Variants in ITGA8 observed in about 807,000 individuals in gnomAD.
ITGA8 encodes integrin alpha-8.
Under a neutral mutation model 142.3 loss-of-function variants are expected in ITGA8, and 91 were observed. The ratio of observed to expected loss-of-function variants is 0.64; its 90% confidence interval spans 0.54 to 0.76. ITGA8 has a LOEUF of 0.76. ITGA8 is among the 30% of genes least tolerant of loss of function. The pLI, the probability that ITGA8 is intolerant of heterozygous loss-of-function variation, is 0.00. For missense variants in ITGA8, 1,406 were observed against 1,327.7 expected (o/e 1.06, Z -0.92); for synonymous variants, 505 against 485.2 (o/e 1.04, Z -0.54).
At chr10:15,594,351 C>CT (rs1832978306) in intron 21 of ITGA8, among the ~76,000 whole-genome samples, 1 of 152,000 alleles carries the variant, frequency 6.6e-6, no homozygotes, top group Non-Finnish European at 1.5e-5. Flanking sequence ...TCTCTGTCTC[C>CT]TTTTTTACCA....
rs868746512 is a variant in ITGA8 at position 15,588,232 on chromosome 10, C to T, written c.2292-1568G>A. 3.9e-5 allele frequency among the ~76,000 whole-genome samples: 6 copies of T among 152,258 alleles called. 1 individual carries two copies. Among genetic ancestry groups the T allele is most frequent in the Middle Eastern group, 3.4e-3 (1 of 292 alleles). ...CAAAGCAGGAGGCGGCAGAATTGTT[C>T]CCATGATGCTTTTGAAAAGTCCTGG... On this transcript the variant is annotated intron_variant, in intron 22 of 29. Transcript: ENST00000378076.
At chr10:15,697,543 G>A (rs1323710773) in intron 2 of ITGA8, among the ~76,000 whole-genome samples, 1 of 152,132 alleles carries the variant, frequency 6.6e-6, no homozygotes, top group Non-Finnish European at 1.5e-5. Context: ...TCCTGTAAAG[G>A]ACTAGATAAA....
At chr10:15,517,964 G>A (rs1832994095) in intron 29 of ITGA8, among the ~76,000 whole-genome samples, 1 of 152,144 alleles carries the variant, frequency 6.6e-6, no homozygotes, top group African/African-American at 2.4e-5. Flanking sequence ...GCTTTGGGGT[G>A]GATTATAGAA....
At chr10:15,615,593 A>G (rs1833376386) in intron 14 of ITGA8, among the ~76,000 whole-genome samples, 1 of 152,192 alleles carries the variant, frequency 6.6e-6, no homozygotes, top group Non-Finnish European at 1.5e-5. Flanking sequence ...TGCTCACTAC[A>G]ACCTCGACCT....
At chr10:15,627,969 AC>A (rs35567160) in intron 13 of ITGA8, among the ~76,000 whole-genome samples, 27,183 of 151,818 alleles carry the variant, frequency 0.18, 3,056 homozygotes, top group Admixed American at 0.29. Flanking sequence ...GACGGGAGTG[AC>A]CTCTGGTCCT....
intron 26 of ITGA8, among the ~76,000 whole-genome samples, chr10:15,556,018 C>CTGTTTTTTTTTTTT (rs1564349894): frequency 1.9e-5 from 1 of 53,630 alleles, no homozygotes; most frequent in African/African-American, 8.6e-5. Flanking sequence ...CTCTCTCTCT[C>CTGTTTTTTTTTTTT]TTTTTTTTTT....
chr10:15,594,146 A>AT (rs1832975080), intron 21 of ITGA8, among the ~76,000 whole-genome samples: 2 of 151,960 alleles, frequency 1.3e-5, no homozygotes, highest in Non-Finnish European at 2.9e-5. Context: ...GGCCGGATGA[A>AT]TTTTTTTAAA....
At chr10:15,537,345 T>A (rs892635813) in intron 27 of ITGA8, among the ~76,000 whole-genome samples, 1 of 152,194 alleles carries the variant, frequency 6.6e-6, no homozygotes, top group African/African-American at 2.4e-5. Flanking sequence ...AAGCAGAAAC[T>A]GTGGCAGTGC....
At chr10:15,525,701 A>C (rs1268919272) in intron 28 of ITGA8, among the ~76,000 whole-genome samples, 1 of 149,932 alleles carries the variant, frequency 6.7e-6, no homozygotes, top group Non-Finnish European at 1.5e-5. Flanking sequence ...GTTAATTTTA[A>C]TAACATAGTT....
At chr10:15,675,620 A>G (rs994493355) in intron 6 of ITGA8, among the ~76,000 whole-genome samples, 2 of 152,180 alleles carry the variant, frequency 1.3e-5, no homozygotes, top group Admixed American at 6.5e-5. Flanking sequence ...CCAACTTTCA[A>G]TCTATTTTCT....
intron 2 of ITGA8, among the ~76,000 whole-genome samples, chr10:15,703,604 G>C (rs1835204325): frequency 6.6e-6 from 1 of 152,142 alleles, no homozygotes; most frequent in Non-Finnish European, 1.5e-5. Context: ...AAACCCCCAA[G>C]TATGATGCAA....
At chr10:15,647,989 C>G (rs1834018288) in intron 11 of ITGA8, among the ~76,000 whole-genome samples, 1 of 151,912 alleles carries the variant, frequency 6.6e-6, no homozygotes, top group Non-Finnish European at 1.5e-5. Context: ...AAGAGATATT[C>G]AAGCAAATTA....
At chr10:15,584,546 G>A (rs1038564497) in intron 23 of ITGA8, among the ~76,000 whole-genome samples, 2 of 152,146 alleles carry the variant, frequency 1.3e-5, no homozygotes, top group Non-Finnish European at 2.9e-5. Flanking sequence ...TCACAGGAGT[G>A]TAATTTGGCA....
At chr10:15,595,832 A>C (rs1398291200) in intron 21 of ITGA8, among the ~76,000 whole-genome samples, 1 of 152,160 alleles carries the variant, frequency 6.6e-6, no homozygotes, top group Non-Finnish European at 1.5e-5. Context: ...TTCGGAGGCC[A>C]AGGCAGGTGG....
chr10:15,678,858 TTA>T, intron 4 of ITGA8, 75 bp from the exon 5 acceptor site: 3 of 879,784 alleles, frequency 3.4e-6, no homozygotes, highest in East Asian at 5.3e-5. Context: ...ATTCAGGATA[TTA>T]TGTTATTTTC....
At chr10:15,715,169 C>A (rs1294737740) in intron 2 of ITGA8, among the ~76,000 whole-genome samples, 2 of 151,948 alleles carry the variant, frequency 1.3e-5, no homozygotes, top group African/African-American at 4.8e-5. Flanking sequence ...TATCAGAGAC[C>A]ATGAAGGGGC....
At chr10:15,651,743 G>A (rs1043946180) in intron 11 of ITGA8, among the ~76,000 whole-genome samples, 6 of 152,072 alleles carry the variant, frequency 3.9e-5, no homozygotes, top group African/African-American at 1.4e-4. Flanking sequence ...TGAACCATGA[G>A]CAATGACCTA....
At chr10:15,525,054 G>A (rs7079990) in intron 28 of ITGA8, among the ~76,000 whole-genome samples, 132,501 of 152,006 alleles carry the variant, frequency 0.87, 59,861 homozygotes, top group Non-Finnish European at 1. Context: ...TGTTGCCTCA[G>A]CTGGAGTGCA....
chr10:15,618,635 A>G (rs1202285189), intron 13 of ITGA8, among the ~76,000 whole-genome samples: 1 of 152,166 alleles, frequency 6.6e-6, no homozygotes, highest in East Asian at 1.9e-4. Flanking sequence ...CCATCTGATC[A>G]CCTGTCAGCA....
Sources: gnomAD v4.1 joint callset for allele counts (sites outside exome capture counted in the v4.1 genomes callset) on GRCh38, gnomAD v4.1.1 for gene constraint, MANE v1.5 for transcripts, NCBI Gene and HGNC (gene_info 2026-07-23, HGNC 2026-07-21) for gene names.